ERBB4: variants seen among roughly 807,000 people sequenced by gnomAD.
ERBB4 encodes the protein receptor tyrosine-protein kinase erbB-4.
Under a neutral mutation model 158.0 loss-of-function variants are expected in ERBB4, and 42 were observed. The ratio of observed to expected loss-of-function variants is 0.27; its 90% CI spans 0.21 to 0.34. The LOEUF is 0.34. Among genes scored for constraint, ERBB4 ranks in the 10% least tolerant of loss-of-function variants. The pLI, the probability that ERBB4 is intolerant of heterozygous loss-of-function variation, is 1.00. For synonymous variants in ERBB4, 583 were observed against 558.7 expected, an observed-to-expected ratio of 1.04 and a Z score of -0.61; for missense variants, 1,333 against 1,624.1, an observed-to-expected ratio of 0.82 and a Z score of 3.08.
Position 211,383,594 on chromosome 2 carries a change from C to T in ERBB4, c.*21G>A, listed in dbSNP as rs1473933841. 1.2e-6 allele frequency: 2 copies of T among 1,607,330 alleles called. No individual in the cohort carries two copies. The highest frequency in any genetic ancestry group is 1.7e-5 in the Admixed American group (1 of 59,976). The stretch of plus-strand genomic sequence containing the variant: ...AAATTGGAGCAGGTGTGTCTCTCCA[C>T]CTAAAAAACCACAACTGAGCTTACA... On this transcript the variant is annotated 3_prime_UTR_variant, in exon 28 of 28. Coordinates refer to ENST00000342788, the MANE Select transcript of ERBB4 (RefSeq NM_005235.3).
At chr2:212,391,692 ATATTATATAT>A (rs1434997637) in intron 1 of ERBB4, among the ~76,000 whole-genome samples, 2 of 124,388 alleles carry the variant, frequency 1.6e-5, no homozygotes, top group Non-Finnish European at 3.3e-5. Flanking sequence ...TATATATATT[ATATTATATAT>A]TATATATATT....
intron 1 of ERBB4, among the ~76,000 whole-genome samples, chr2:212,319,152 C>A (rs2087439702): frequency 6.6e-6 from 1 of 151,456 alleles, no homozygotes; most frequent in South Asian, 2.1e-4. Flanking sequence ...CTTTTAGGGT[C>A]AAAAATGGGT....
At chr2:211,427,632 T>G (rs1264102988) in intron 22 of ERBB4, among the ~76,000 whole-genome samples, 7 of 152,212 alleles carry the variant, frequency 4.6e-5, no homozygotes, top group Non-Finnish European at 8.8e-5. Flanking sequence ...TTGCTCTAAC[T>G]TACTGCTGTC....
At chr2:211,390,949 A>G (rs959743396) in intron 25 of ERBB4, among the ~76,000 whole-genome samples, 1 of 151,904 alleles carries the variant, frequency 6.6e-6, no homozygotes, top group East Asian at 1.9e-4. Context: ...TCTGTTTTCC[A>G]TGATAAAAAG....
chr2:212,374,239 A>G (rs1478316912), intron 1 of ERBB4, among the ~76,000 whole-genome samples: 1 of 151,410 alleles, frequency 6.6e-6, no homozygotes, highest in Admixed American at 6.6e-5. Flanking sequence ...GCTGTATATT[A>G]TATTACATCC....
chr2:212,538,629 G>T lies in ERBB4; in HGVS notation c.-99C>A, dbSNP rs142531677. On this transcript the variant is annotated 5_prime_UTR_variant, in exon 1 of 28. Transcript: ENST00000342788. ...GAGATCCCCCAGCCGGGCGCGCGTG[G>T]GGGTGCGAGGGGGGCGGGCGCGGCG... is the stretch of plus-strand genomic sequence containing the variant. 3 of 1,247,398 alleles carry T rather than the reference G, an allele frequency of 2.4e-6. No homozygotes were observed. Among genetic ancestry groups the T allele is most frequent in the Admixed American group, 3.6e-5 (2 of 55,860 alleles). 77.3% of individuals were successfully genotyped at this position (1,247,398 alleles called of 1,614,324 possible).
At chr2:211,948,562 T>G (rs766332838) in intron 2 of ERBB4, among the ~76,000 whole-genome samples, 2 of 152,026 alleles carry the variant, frequency 1.3e-5, no homozygotes, top group Non-Finnish European at 2.9e-5. Flanking sequence ...ATTTGAGGGT[T>G]TGTGAGACAT....
At chr2:211,840,325 A>G (rs990554648) in intron 3 of ERBB4, among the ~76,000 whole-genome samples, 1 of 151,932 alleles carries the variant, frequency 6.6e-6, no homozygotes, top group African/African-American at 2.4e-5. Flanking sequence ...AGGTCTCTCC[A>G]GCCATGTGGA....
chr2:212,517,519 T>C (rs1270767395), intron 1 of ERBB4, among the ~76,000 whole-genome samples: 1 of 152,104 alleles, frequency 6.6e-6, no homozygotes, highest in Admixed American at 6.5e-5. Context: ...TTATTTGCAA[T>C]GTGTTGAGTG....
intron 2 of ERBB4, among the ~76,000 whole-genome samples, chr2:212,046,530 T>C (rs2077265602): frequency 6.6e-6 from 1 of 152,242 alleles, no homozygotes; most frequent in African/African-American, 2.4e-5. Context: ...TCCATTTATA[T>C]ATTTACTATT....
chr2:211,786,209 G>A (rs939140313), intron 4 of ERBB4, among the ~76,000 whole-genome samples: 6 of 152,152 alleles, frequency 3.9e-5, no homozygotes, highest in African/African-American at 7.2e-5. Flanking sequence ...GTTCTAGGGA[G>A]TCATCAACCT....
intron 19 of ERBB4, among the ~76,000 whole-genome samples, chr2:211,564,424 G>T (rs575804410): frequency 6.6e-6 from 1 of 152,260 alleles, no homozygotes. Flanking sequence ...CAGGCAAAAT[G>T]GAAAGAGAAG....
intron 20 of ERBB4, among the ~76,000 whole-genome samples, chr2:211,510,687 T>C (rs985848194): frequency 3.9e-5 from 6 of 152,112 alleles, no homozygotes; most frequent in Non-Finnish European, 7.4e-5. Context: ...GTATGATTAT[T>C]AAAAGTCATT....
At chr2:211,701,885 G>T in intron 12 of ERBB4, 82 bp downstream of exon 12, 1 of 1,032,046 alleles carries the variant, frequency 9.7e-7, no homozygotes, top group Non-Finnish European at 1.5e-6. Flanking sequence ...CTGACCGGAT[G>T]TTATTTTTAA....
intron 1 of ERBB4, among the ~76,000 whole-genome samples, chr2:212,192,040 A>ATATGTTATATAT (rs1284057479): frequency 1.3e-3 from 14 of 10,808 alleles, no homozygotes; most frequent in African/African-American, 2.2e-3. Context: ...GTTATATGTT[A>ATATGTTATATAT]TATATATGTT....
chr2:212,082,099 T>C (rs1056800644), intron 2 of ERBB4, among the ~76,000 whole-genome samples: 2 of 152,108 alleles, frequency 1.3e-5, no homozygotes, highest in African/African-American at 4.8e-5. Context: ...TTAGTGACAC[T>C]CTTCTGCATG....
At chr2:211,766,010 C>T (rs1314246983) in intron 4 of ERBB4, among the ~76,000 whole-genome samples, 2 of 152,112 alleles carry the variant, frequency 1.3e-5, no homozygotes, top group African/African-American at 2.4e-5. Flanking sequence ...AAGATAACTA[C>T]CTGTTTGATG....
chr2:212,337,312 T>G (rs2088488653), intron 1 of ERBB4, among the ~76,000 whole-genome samples: 2 of 152,086 alleles, frequency 1.3e-5, no homozygotes, highest in South Asian at 2.1e-4. Flanking sequence ...TATAATAACC[T>G]TTCTCTTGTA....
intron 20 of ERBB4, among the ~76,000 whole-genome samples, chr2:211,499,160 G>A (rs1233424816): frequency 1.3e-5 from 2 of 152,034 alleles, no homozygotes; most frequent in Admixed American, 6.5e-5. Context: ...TAAGTGCTAG[G>A]TTCTGGGCCA....
Sources: allele counts gnomAD v4.1 joint callset (sites outside exome capture counted in the v4.1 genomes callset), GRCh38; gene constraint gnomAD v4.1.1; transcripts MANE v1.5; gene names NCBI Gene and HGNC (gene_info 2026-07-23, HGNC 2026-07-21).